The following GOLGA1 variants were observed in gnomAD, a reference collection of about 807,000 sequenced individuals.
GOLGA1 encodes the protein golgin A1, also known as golgin subfamily A member 1.
GOLGA1 carries 63 observed loss-of-function variants against 119.7 expected under a neutral mutation model. The ratio of observed to expected loss-of-function variants is 0.53; its 90% confidence interval spans 0.43 to 0.65. The LOEUF is 0.65. Ranked by LOEUF, GOLGA1 falls within the 30% of genes least tolerant of loss-of-function variation. GOLGA1 has a pLI of 0.00. For synonymous variants in GOLGA1, 318 were observed against 333.4 expected (o/e 0.95, Z 0.50); for missense variants, 798 against 912.8 (o/e 0.87, Z 1.62).
At chr9:124,942,212 G>A (rs1040348142), upstream of GOLGA1, among the ~76,000 whole-genome samples, 6 of 152,176 alleles carry the variant, frequency 3.9e-5, no homozygotes, top group African/African-American at 1.4e-4. Flanking sequence ...GTAGGTTGCA[G>A]TGAGTCAAGA....
intron 10 of GOLGA1, among the ~76,000 whole-genome samples, chr9:124,918,542 TCA>T (rs752665887): frequency 2.1e-4 from 32 of 152,194 alleles, no homozygotes; most frequent in Non-Finnish European, 4.0e-4. Context: ...GGTGGGCAGA[TCA>T]CTTGATGCCA....
intron 19 of GOLGA1, among the ~76,000 whole-genome samples, chr9:124,885,290 T>C (rs1829693538): frequency 6.7e-6 from 1 of 149,764 alleles, no homozygotes; most frequent in Non-Finnish European, 1.5e-5. Context: ...ATCGCGCCAC[T>C]GCACTCCAGC....
At chr9:124,934,377 G>C (rs989754904) in intron 3 of GOLGA1, among the ~76,000 whole-genome samples, 1 of 152,174 alleles carries the variant, frequency 6.6e-6, no homozygotes, top group Non-Finnish European at 1.5e-5. Context: ...GCTGCCAGAG[G>C]AGAAGGTCAG....
intron 20 of GOLGA1, 90 bp from the exon 21 acceptor site, chr9:124,882,044 T>C: frequency 1.0e-6 from 1 of 996,428 alleles, no homozygotes; most frequent in South Asian, 1.7e-5. Flanking sequence ...CAAACTATGA[T>C]CACTATCGTA....
At chr9:124,929,190 G>C in intron 5 of GOLGA1, 26 bp downstream of exon 5, 1 of 1,409,810 alleles carries the variant, frequency 7.1e-7, no homozygotes, top group South Asian at 1.2e-5. Context: ...TGAAAAGATT[G>C]AAAAAAGCAG....
rs1181295444 is a variant in GOLGA1, at chr9:124,878,879, T to C, written c.*1651A>G. ...TTGAAAAAAGGCTACCTCTTACCCA[T>C]CAAACTTGCAGAACAGAAGAGACTC... On this transcript the variant is annotated 3_prime_UTR_variant, in exon 23 of 23. Transcript: ENST00000373555. 6.6e-6 allele frequency: 1 copy of C among 152,170 alleles called. No homozygotes were observed. The highest frequency in any genetic ancestry group is 1.5e-5 in the Non-Finnish European group (1 of 68,026). 9.4% of individuals were successfully genotyped at this position (152,170 alleles called of 1,614,324 possible). A position where few individuals can be genotyped will look rare whatever the true frequency, so the allele number is the denominator to read the frequency against.
intron 4 of GOLGA1, among the ~76,000 whole-genome samples, 167 bp downstream of exon 4, chr9:124,931,149 C>T (rs1564344547): frequency 6.6e-6 from 1 of 152,108 alleles, no homozygotes; most frequent in Non-Finnish European, 1.5e-5. Flanking sequence ...TGAATTTATA[C>T]TATTTACTAC....
At chr9:124,922,194 C>G (rs1269086066) in intron 8 of GOLGA1, among the ~76,000 whole-genome samples, 1 of 150,608 alleles carries the variant, frequency 6.6e-6, no homozygotes, top group Non-Finnish European at 1.5e-5. Flanking sequence ...CGCCACTGCA[C>G]TCCAGCCTGG....
chr9:124,911,837 G>A, intron 11 of GOLGA1, 64 bp downstream of exon 11: 2 of 1,441,990 alleles, frequency 1.4e-6, no homozygotes. Flanking sequence ...TCTAGGAATT[G>A]TGAAGTCACC....
chr9:124,882,411 G>A (rs1829609382), intron 20 of GOLGA1, 99 bp downstream of exon 20: 7 of 825,096 alleles, frequency 8.5e-6, no homozygotes, highest in Non-Finnish European at 1.2e-5. Flanking sequence ...TTAGGGGGTG[G>A]AGGGAGCATA....
At chr9:124,943,954 G>A (rs1672863700), upstream of GOLGA1, 1 of 152,186 alleles carries the variant, frequency 6.6e-6, no homozygotes, top group South Asian at 2.1e-4. Flanking sequence ...ACACAACGAA[G>A]ATAACCTATA....
At chr9:124,899,579 ACT>A in intron 13 of GOLGA1, 101 bp from the exon 14 acceptor site, 1 of 1,175,686 alleles carries the variant, frequency 8.5e-7, no homozygotes, top group East Asian at 2.6e-5. Flanking sequence ...AACAGAAACA[ACT>A]CTCTCCTGAC....
In GOLGA1 at chr9:124,882,580, C is replaced by A. The variant is rs1388732060; in HGVS notation, c.1906-11G>T. On this transcript the variant is annotated splice_polypyrimidine_tract_variant and intron_variant, in intron 19 of 22. Coordinates refer to ENST00000373555, the MANE Select transcript of GOLGA1 (RefSeq NM_002077.4). ...CATCTGCTTTATGGTCTGCGACAAG[C>A]CCCACCCCACAGAAAGCCAATCGTT... 1 of 1,609,120 alleles carries A rather than the reference C, an allele frequency of 6.2e-7. No individual in the cohort carries two copies. The highest frequency in any genetic ancestry group is 1.1e-5 in the South Asian group (1 of 90,884).
intron 10 of GOLGA1, among the ~76,000 whole-genome samples, chr9:124,920,771 T>G (rs1322692228): frequency 7.2e-6 from 1 of 138,538 alleles, no homozygotes; most frequent in East Asian, 2.1e-4. Context: ...CTGTCTCTAC[T>G]AAAAATACAA....
At chr9:124,894,410 G>A (rs1363278361) in intron 15 of GOLGA1, among the ~76,000 whole-genome samples, 2 of 151,446 alleles carry the variant, frequency 1.3e-5, no homozygotes, top group African/African-American at 4.9e-5. Context: ...GTGTGTGTGT[G>A]TGTTTGAAAT....
chr9:124,896,045 G>C (rs770648032), intron 15 of GOLGA1, among the ~76,000 whole-genome samples: 1 of 152,248 alleles, frequency 6.6e-6, no homozygotes, highest in Non-Finnish European at 1.5e-5. Context: ...CTGAGGTGGA[G>C]AAACTCTGAG....
At chr9:124,899,784 G>A (rs1830059934) in intron 13 of GOLGA1, among the ~76,000 whole-genome samples, 1 of 152,206 alleles carries the variant, frequency 6.6e-6, no homozygotes, top group Admixed American at 6.5e-5. Flanking sequence ...AGTGGCTGCG[G>A]CTTTCCCTGG....
At chr9:124,885,898 A>T (rs528042046) in intron 19 of GOLGA1, among the ~76,000 whole-genome samples, 1 of 152,330 alleles carries the variant, frequency 6.6e-6, no homozygotes, top group South Asian at 2.1e-4. Flanking sequence ...GTCTGATACC[A>T]TCTTCCAGAG....
At chr9:124,886,520 A>G (rs931147303) in intron 19 of GOLGA1, among the ~76,000 whole-genome samples, 3 of 152,082 alleles carry the variant, frequency 2.0e-5, no homozygotes, top group Admixed American at 6.6e-5. Flanking sequence ...AAAGGTTGAG[A>G]GAGAAGAGGA....
Sources: gnomAD v4.1 joint callset for allele counts (sites outside exome capture counted in the v4.1 genomes callset) on GRCh38, gnomAD v4.1.1 for gene constraint, MANE v1.5 for transcripts, NCBI Gene and HGNC (gene_info 2026-07-23, HGNC 2026-07-21) for gene names.